CHD6: variants seen among roughly 807,000 people sequenced by gnomAD.
CHD6 encodes ATP-dependent chromatin remodeler CHD6.
Under a neutral mutation model 276.9 loss-of-function variants are expected in CHD6, and 50 were observed. The observed-to-expected ratio is 0.18, with a 90% confidence interval of 0.14 to 0.23. The LOEUF (loss-of-function observed/expected upper bound fraction) is 0.23, where lower values mean the gene tolerates loss of function less well. CHD6 is among the 10% of genes least tolerant of loss of function. CHD6 has a pLI of 1.00. For missense variants in CHD6, 2,564 were observed against 3,365.8 expected (o/e 0.76, Z 5.89); for synonymous variants, 1,173 against 1,229.3 (o/e 0.95, Z 0.96).
chr20:41,567,906 A>G (rs564590145), intron 1 of CHD6, among the ~76,000 whole-genome samples: 309 of 152,314 alleles, frequency 2.0e-3, no homozygotes, highest in African/African-American at 6.9e-3. Flanking sequence ...CTCTCCCTGT[A>G]ACTACACAGA....
In CHD6 at chr20:41,455,949, C is replaced by T; in HGVS notation, c.2860G>A (p.Asp954Asn). ...VQQLSKMEVE[D>N]LLRKGAYGAL... ...CCATAAGCACCTTTCCGGAGTAGGT[C>T]CTCCACCTCCATTTTTGAGAGCTGC... Residue 954 changes from aspartate to asparagine, a missense_variant, in exon 19 of 37, where the codon GAC becomes AAC. Physicochemically the swap from Asp to Asn is conservative, Grantham distance 23. Transcript: ENST00000373233. The T allele has an allele frequency of 6.3e-7, 1 of 1,586,374 alleles. No individual in the cohort carries two copies. The highest frequency in any genetic ancestry group is 8.6e-7 in the Non-Finnish European group (1 of 1,167,948).
At chr20:41,469,749 T>TAA (rs2043011115) in intron 17 of CHD6, among the ~76,000 whole-genome samples, 5 of 152,194 alleles carry the variant, frequency 3.3e-5, no homozygotes, top group Non-Finnish European at 5.9e-5. Context: ...TGAGAGAGGG[T>TAA]GTGGCACTTA....
In CHD6 at chr20:41,451,921, T is replaced by G; in HGVS notation, c.3428A>C (p.Lys1143Thr). The change falls in exon 22 of 37, where the codon AAG (lysine) becomes ACG (threonine). Residue 1143 changes from lysine (K) to threonine (T), a missense_variant. This residue lies in a region of CHD6 where 515 missense variants were observed against 739.5 expected (regional missense o/e 0.70). Coordinates refer to ENST00000373233, the MANE Select transcript of CHD6 (RefSeq NM_032221.5). Reference protein sequence around the residue: ...ICRALLVYCVKHYKGDEKIKS... With the variant: ...ICRALLVYCVTHYKGDEKIKS... ...GATCTTCTCGTCCCCCTTATAATGC[T>G]TGACACAGTACACCAGGAGGGCACG... The G allele has an allele frequency of 6.2e-7, 1 of 1,614,142 alleles. No homozygotes were observed. Among genetic ancestry groups the G allele is most frequent in the Non-Finnish European group, 8.5e-7 (1 of 1,180,014 alleles).
chr20:41,495,990 C>A (rs368717739), intron 8 of CHD6, among the ~76,000 whole-genome samples: 1 of 152,290 alleles, frequency 6.6e-6, no homozygotes, highest in South Asian at 2.1e-4. Flanking sequence ...TCCACCTATG[C>A]CCCATTCCCA....
At chr20:41,609,563 ACTGCTGCATTATAAATT>A (rs1342752756) in intron 1 of CHD6, among the ~76,000 whole-genome samples, 2 of 152,134 alleles carry the variant, frequency 1.3e-5, no homozygotes, top group Non-Finnish European at 2.9e-5. Flanking sequence ...CAAAACAGAC[ACTGCTGCATTATAAATT>A]TTGCTACACT....
chr20:41,407,830 G>A (rs1034022663), intron 36 of CHD6, among the ~76,000 whole-genome samples: 7 of 152,318 alleles, frequency 4.6e-5, no homozygotes, highest in African/African-American at 1.4e-4. Flanking sequence ...AGAAGAGTGC[G>A]AGACGCCACG....
At chr20:41,589,148 T>C (rs1265893006) in intron 1 of CHD6, among the ~76,000 whole-genome samples, 3 of 151,674 alleles carry the variant, frequency 2.0e-5, no homozygotes, top group Admixed American at 6.6e-5. Context: ...GCAGAAAAGG[T>C]CTTCGACAAA....
chr20:41,409,160 G>A (rs541333551), intron 36 of CHD6, among the ~76,000 whole-genome samples: 2 of 152,356 alleles, frequency 1.3e-5, no homozygotes, highest in South Asian at 4.1e-4. Flanking sequence ...GAGCAAGAGC[G>A]CTGGCAAAGG....
intron 27 of CHD6, among the ~76,000 whole-genome samples, chr20:41,432,156 G>A (rs1295246716): frequency 7.3e-5 from 7 of 96,226 alleles, no homozygotes; most frequent in East Asian, 5.0e-4. Flanking sequence ...GTAAAACTCC[G>A]TCTCAAAAAA....
chr20:41,599,741 G>A (rs1202565324), intron 1 of CHD6, among the ~76,000 whole-genome samples: 2 of 152,172 alleles, frequency 1.3e-5, no homozygotes, highest in Non-Finnish European at 2.9e-5. Flanking sequence ...AGCCCTTCCT[G>A]CTTAATCTGT....
intron 2 of CHD6, among the ~76,000 whole-genome samples, chr20:41,546,723 C>T (rs2045050312): frequency 6.6e-6 from 1 of 152,046 alleles, no homozygotes; most frequent in South Asian, 2.1e-4. Flanking sequence ...TTTTTTCTGC[C>T]TAATAATGCT....
chr20:41,612,228 C>T lies in CHD6; in HGVS notation c.-24+6112G>A, dbSNP rs117984553. 7.8e-3 allele frequency among the ~76,000 whole-genome samples: 1,194 copies of T among 152,338 alleles called. 11 individuals carry two copies. Among genetic ancestry groups the T allele is most frequent in the Non-Finnish European group, 0.011 (743 of 68,020 alleles). ...TCAGACAGGTAAGCAGACCACAGATCTGCAGGAATCTGTAGACTACTTTCA... is the reference window on the plus strand; with the variant it reads ...TCAGACAGGTAAGCAGACCACAGATTTGCAGGAATCTGTAGACTACTTTCA... On this transcript the variant is annotated intron_variant, in intron 1 of 36. Coordinates refer to ENST00000373233, the MANE Select transcript of CHD6 (RefSeq NM_032221.5).
chr20:41,518,586 A>G (rs1309214915), intron 3 of CHD6, among the ~76,000 whole-genome samples: 1 of 152,172 alleles, frequency 6.6e-6, no homozygotes, highest in East Asian at 1.9e-4. Context: ...ATAGGAAAAT[A>G]CCGGCAGAAA....
rs114398326 is a variant in CHD6 at position 41,512,782 on chromosome 20, C to A, written c.852+64G>T. On this transcript the variant is annotated intron_variant, in intron 5 of 36. Coordinates refer to ENST00000373233, the MANE Select transcript of CHD6 (RefSeq NM_032221.5). ...ATGCTTTAGCAAAGGCCAAGAAACA[C>A]GTCTGTCATCTAGGTCAAAATGACT... 4,791 of 1,582,218 alleles carry A rather than the reference C, an allele frequency of 3.0e-3. 57 individuals are homozygous for A. Among genetic ancestry groups the A allele is most frequent in the Middle Eastern group, 0.018 (99 of 5,492 alleles).
At chr20:41,521,275 C>T (rs998133900) in intron 3 of CHD6, among the ~76,000 whole-genome samples, 2 of 152,208 alleles carry the variant, frequency 1.3e-5, no homozygotes, top group African/African-American at 4.8e-5. Context: ...ATATTCTCCA[C>T]TTCTGGGGGA....
At position 41,402,142 on chromosome 20, in the gene CHD6, TAAGACATGGGGTG is replaced by T; in HGVS notation, c.*2438_*2450del. On this transcript the variant is annotated 3_prime_UTR_variant, in exon 37 of 37. Transcript: ENST00000373233. ...AGGATCAAGACCACAATTTATTATG[TAAGACATGGGGTG>T]AAGAATGGTCAAGGAAAGTTATGGC... 5.0e-6 allele frequency: 1 copy of T among 201,882 alleles called. No individual in the cohort carries two copies. The highest frequency in any genetic ancestry group is 1.6e-3 in the Middle Eastern group (1 of 624). The allele number at this position is 201,882 out of a possible 1,614,324, so 12.5% of individuals were successfully genotyped here. A position where few individuals can be genotyped will look rare whatever the true frequency, so the allele number is the denominator to read the frequency against.
At chr20:41,467,391 C>G (rs924928262) in intron 17 of CHD6, among the ~76,000 whole-genome samples, 1 of 151,926 alleles carries the variant, frequency 6.6e-6, no homozygotes, top group African/African-American at 2.4e-5. Context: ...CATATAAAAA[C>G]CTTTGGAGTA....
At chr20:41,445,796 A>G in intron 24 of CHD6, 28 bp from the exon 25 acceptor site, 1 of 1,467,820 alleles carries the variant, frequency 6.8e-7, no homozygotes, top group Non-Finnish European at 9.5e-7. Flanking sequence ...TAGACTCAAA[A>G]CAACACAAAA....
intron 27 of CHD6, among the ~76,000 whole-genome samples, chr20:41,427,734 G>A (rs2047410273): frequency 6.6e-6 from 1 of 152,172 alleles, no homozygotes. Context: ...AATGAAGAGT[G>A]AAAACCCAGG....
Sources: gnomAD v4.1 joint callset for allele counts (sites outside exome capture counted in the v4.1 genomes callset) on GRCh38, gnomAD v4.1.1 for gene constraint, gnomAD v4.1.1 regional missense constraint, MANE v1.5 for transcripts, NCBI Gene and HGNC (gene_info 2026-07-23, HGNC 2026-07-21) for gene names.